ERFL: variants seen among roughly 807,000 people sequenced by gnomAD.
ERFL encodes the protein ETS domain-containing transcription factor ERF-like.
A neutral mutation model predicts 27.9 loss-of-function variants in ERFL; 8 were observed. The ratio of observed to expected loss-of-function variants is 0.29; its 90% CI spans 0.17 to 0.52. ERFL has a LOEUF of 0.52. ERFL is among the 20% of genes least tolerant of loss of function. ERFL has a pLI of 0.97. For missense variants in ERFL, 294 were observed against 444.4 expected, an observed-to-expected ratio of 0.66 and a Z score of 3.04; for synonymous variants, 174 against 202.8, an observed-to-expected ratio of 0.86 and a Z score of 1.21.
At chr19:41,915,715 C>T (rs1018362278) in intron 1 of ERFL, among the ~76,000 whole-genome samples, 1 of 152,174 alleles carries the variant, frequency 6.6e-6, no homozygotes, top group Non-Finnish European at 1.5e-5. Context: ...GTCTCTGTCT[C>T]TGTTTCTGTC....
At position 41,907,851 on chromosome 19, in the gene ERFL, T is replaced by G. The variant is rs2074725656; in HGVS notation, c.*377A>C. 2.2e-4 allele frequency: 30 copies of G among 134,280 alleles called. No homozygotes were observed. Among genetic ancestry groups the G allele is most frequent in the East Asian group, 3.5e-4 (2 of 5,788 alleles). The allele number at this position is 134,280 out of a possible 1,614,324, so 8.3% of individuals were successfully genotyped here. On this transcript the variant is annotated 3_prime_UTR_variant, in exon 6 of 6. Coordinates refer to ENST00000597630, the MANE Select transcript of ERFL (RefSeq NM_001365103.2). ...AGCTCCCTGTCCCCAGGGGGGCCTA[T>G]ATGGGGGGGGTGTCAGGACTGGGGC...
At position 41,909,924 on chromosome 19, in the gene ERFL, G is replaced by A; in HGVS notation, c.241C>T (p.Leu81=). The change falls in exon 3 of 6, where the codon CTG becomes TTG. Residue 81 remains leucine (L), a synonymous_variant. Coordinates refer to ENST00000597630, the MANE Select transcript of ERFL (RefSeq NM_001365103.2). This position sits in a 1 kb window ranked among gnomAD's most constrained non-coding sequence, Gnocchi z 5.2. ...VIKDPDEVAR[L]WGIRKCKPHM... ...GGCTTGCATTTGCGAATACCCCACAGCCGGGCCACCTCATCGGGGTCTTTG... is the reference window on the plus strand; with the variant it reads ...GGCTTGCATTTGCGAATACCCCACAACCGGGCCACCTCATCGGGGTCTTTG... The A allele has an allele frequency of 6.2e-7, 1 of 1,613,870 alleles. No individual in the cohort carries two copies. The highest frequency in any genetic ancestry group is 1.3e-5 in the African/African-American group (1 of 75,058).
rs367565234 is a variant in ERFL at position 41,921,164 on chromosome 19, C to T, written c.-14+6876G>A. On this transcript the variant is annotated intron_variant, in intron 1 of 5. Coordinates refer to ENST00000597630, the MANE Select transcript of ERFL (RefSeq NM_001365103.2). This position sits in a 1 kb window ranked among gnomAD's most constrained non-coding sequence, Gnocchi z 4.4. ...GTGGAGGCGCCACCGTGAGGCGAGG[C>T]GGAGGGAGGTCTGGCTGCTCCCCAA... is the stretch of plus-strand genomic sequence containing the variant. 1.3e-5 allele frequency among the ~76,000 whole-genome samples: 2 copies of T among 151,944 alleles called. No homozygotes were observed. The highest frequency in any genetic ancestry group is 1.3e-4 in the Admixed American group (2 of 15,254).
intron 1 of ERFL, among the ~76,000 whole-genome samples, chr19:41,919,143 ACACT>A (rs1214734615): frequency 5.3e-5 from 8 of 151,948 alleles, no homozygotes; most frequent in South Asian, 2.1e-4. Context: ...ACCACACACC[ACACT>A]CACACACCAC....
At position 41,907,764 on chromosome 19, in the gene ERFL, G is replaced by C; in HGVS notation, c.*464C>G. The C allele has an allele frequency of 5.1e-6, 1 of 195,110 alleles. No homozygotes were observed. Among genetic ancestry groups the C allele is most frequent in the Non-Finnish European group, 1.0e-5 (1 of 96,996 alleles). 12.1% of individuals were successfully genotyped at this position (195,110 alleles called of 1,614,324 possible). ...CTCTGGAGGTGACTGTTGGGATCATGGGGAGCTGGTGGGGAGGGGGGCCCC... is the reference window on the plus strand; with the variant it reads ...CTCTGGAGGTGACTGTTGGGATCATCGGGAGCTGGTGGGGAGGGGGGCCCC... On this transcript the variant is annotated 3_prime_UTR_variant, in exon 6 of 6. Coordinates refer to ENST00000597630, the MANE Select transcript of ERFL (RefSeq NM_001365103.2).
At position 41,922,897 on chromosome 19, in the gene ERFL, T is replaced by A. The variant is rs781872824; in HGVS notation, c.-14+5143A>T. On this transcript the variant is annotated intron_variant, in intron 1 of 5. Coordinates refer to ENST00000597630, the MANE Select transcript of ERFL (RefSeq NM_001365103.2). ...GTCCCCAGCCCCACACCGGGTCCCATGCCCAGGCCTGGGCTGGAGGGGATG... is the reference window on the plus strand; with the variant it reads ...GTCCCCAGCCCCACACCGGGTCCCAAGCCCAGGCCTGGGCTGGAGGGGATG... Among the ~76,000 whole-genome samples the A allele has an allele frequency of 9.9e-5, 15 of 152,190 alleles. 1 individual carries two copies. The highest frequency in any genetic ancestry group is 1.2e-4 in the Non-Finnish European group (8 of 68,022).
Position 41,909,179 on chromosome 19 carries a change from TAG to T in ERFL, c.499-4_499-3del, listed in dbSNP as rs1457955610. 3.1e-5 allele frequency: 38 copies of T among 1,231,732 alleles called. No homozygotes were observed. The highest frequency in any genetic ancestry group is 3.7e-5 in the Non-Finnish European group (37 of 988,170). The allele number at this position is 1,231,732 out of a possible 1,614,324, so 76.3% of individuals were successfully genotyped here. A position where few individuals can be genotyped will look rare whatever the true frequency, so the allele number is the denominator to read the frequency against. Reference sequence around the variant, plus strand: ...GGCAGAGAACAGGGTTTGCAGGGTCTAGAGAGGGAGTGGGAGAAGCCGCCCTT... The same window carrying T: ...GGCAGAGAACAGGGTTTGCAGGGTCTAGAGGGAGTGGGAGAAGCCGCCCTT... On this transcript the variant is annotated splice_polypyrimidine_tract_variant and splice_region_variant and intron_variant, in intron 4 of 5. Coordinates refer to ENST00000597630, the MANE Select transcript of ERFL (RefSeq NM_001365103.2). This position sits in a 1 kb window ranked among gnomAD's most constrained non-coding sequence, Gnocchi z 5.2.
chr19:41,921,696 A>T lies in ERFL; in HGVS notation c.-14+6344T>A, dbSNP rs2074843132. Among the ~76,000 whole-genome samples the T allele has an allele frequency of 6.6e-6, 1 of 152,112 alleles. No homozygotes were observed. The highest frequency in any genetic ancestry group is 2.1e-4 in the South Asian group (1 of 4,828). On this transcript the variant is annotated intron_variant, in intron 1 of 5. Coordinates refer to ENST00000597630, the MANE Select transcript of ERFL (RefSeq NM_001365103.2). This position sits in a 1 kb window ranked among gnomAD's most constrained non-coding sequence, Gnocchi z 4.4. ...AAAATTGAGGGATTAGGGCAGAGGCAGGAGAGGGATGCAGGCGAGCCCGGC... is the reference window on the plus strand; with the variant it reads ...AAAATTGAGGGATTAGGGCAGAGGCTGGAGAGGGATGCAGGCGAGCCCGGC...
chr19:41,910,691 T>A lies in ERFL; in HGVS notation c.68-594A>T, dbSNP rs1555851165. Among the ~76,000 whole-genome samples the A allele has an allele frequency of 6.6e-6, 1 of 152,188 alleles. No individual in the cohort carries two copies. The highest frequency in any genetic ancestry group is 1.5e-5 in the Non-Finnish European group (1 of 68,038). On this transcript the variant is annotated intron_variant, in intron 2 of 5. Transcript: ENST00000597630. The surrounding 1 kb of genome is among the most constrained non-coding windows in gnomAD (Gnocchi z 4.4). ...CCCCTCCACCCCATATCCATGCCCA[T>A]GTCCGTCCAAGAGCAGTCCAGAACG... is the stretch of plus-strand genomic sequence containing the variant.
At chr19:41,912,596 C>T (rs1555851359) in intron 2 of ERFL, among the ~76,000 whole-genome samples, 2 of 152,218 alleles carry the variant, frequency 1.3e-5, no homozygotes, top group African/African-American at 4.8e-5. Context: ...CCCCTCCGTC[C>T]TCACCCCTCA....
chr19:41,928,041 T>G lies in ERFL; in HGVS notation c.-15A>C, dbSNP rs987410311. On this transcript the variant is annotated splice_region_variant and 5_prime_UTR_variant, in exon 1 of 6. Transcript: ENST00000597630. ...GCGCCGGCCGCGGCGCTCACTCACT[T>G]TCTGGGCTTTTCGCATCCGCTCCGG... 5 of 152,118 alleles carry G rather than the reference T, an allele frequency of 3.3e-5. No individual in the cohort carries two copies. The highest frequency in any genetic ancestry group is 6.5e-5 in the Admixed American group (1 of 15,298). 9.4% of individuals were successfully genotyped at this position (152,118 alleles called of 1,614,324 possible).
intron 1 of ERFL, among the ~76,000 whole-genome samples, chr19:41,920,712 C>T (rs1376340463): frequency 5.3e-5 from 8 of 152,376 alleles, no homozygotes; most frequent in Admixed American, 2.0e-4. Context: ...TGTGCACATG[C>T]GCACACACAC....
chr19:41,908,114 T>C lies in ERFL; in HGVS notation c.*114A>G. On this transcript the variant is annotated 3_prime_UTR_variant, in exon 6 of 6. Coordinates refer to ENST00000597630, the MANE Select transcript of ERFL (RefSeq NM_001365103.2). The surrounding 1 kb of genome is among the most constrained non-coding windows in gnomAD (Gnocchi z 6.7). ...GGGGAAGGAGACTGGGGCAGCAATG[T>C]GCCCAGACCTGGGAGGTGCTGAGGG... 1 of 805,440 alleles carries C rather than the reference T, an allele frequency of 1.2e-6. No homozygotes were observed. Among genetic ancestry groups the C allele is most frequent in the Non-Finnish European group, 1.7e-6 (1 of 598,690 alleles). 49.9% of individuals were successfully genotyped at this position (805,440 alleles called of 1,614,324 possible). A position where few individuals can be genotyped will look rare whatever the true frequency, so the allele number is the denominator to read the frequency against.
chr19:41,923,216 G>T (rs1205216506), intron 1 of ERFL: 1 of 456,192 alleles, frequency 2.2e-6, no homozygotes. Flanking sequence ...GATGAGGTGA[G>T]CCTGGACTTG....
chr19:41,909,123 G>A lies in ERFL; in HGVS notation c.553C>T (p.Pro185Ser), dbSNP rs1259451178. ...PRLGEPGARTPLFTSETDKLR... is the reference protein window; with the variant it reads ...PRLGEPGARTSLFTSETDKLR... ...TTATCTGTCTCGGAGGTGAACAGGG[G>A]TGTCCGGGCCCCTGGCTCTCCCAGG... The change falls in exon 5 of 6, where the codon CCC (proline) becomes TCC (serine). Residue 185 changes from proline to serine, a missense_variant. By Grantham distance (74) the Pro-to-Ser change is moderately conservative (BLOSUM62 -1). This residue lies in a region of ERFL where 246 missense variants were observed against 371.4 expected (regional missense o/e 0.66). Coordinates refer to ENST00000597630, the MANE Select transcript of ERFL (RefSeq NM_001365103.2). This position sits in a 1 kb window ranked among gnomAD's most constrained non-coding sequence, Gnocchi z 5.2. The A allele has an allele frequency of 4.9e-6, 6 of 1,231,862 alleles. No individual in the cohort carries two copies. In the Admixed American group the frequency reaches 2.5e-4, roughly 52 times the overall value. The allele number at this position is 1,231,862 out of a possible 1,614,324, so 76.3% of individuals were successfully genotyped here.
At chr19:41,918,951 C>T (rs1376272040) in intron 1 of ERFL, among the ~76,000 whole-genome samples, 2 of 149,936 alleles carry the variant, frequency 1.3e-5, no homozygotes, top group Non-Finnish European at 3.0e-5. Flanking sequence ...ACTCACCATA[C>T]ACACATGCAC....
At chr19:41,925,945 C>T (rs1486154122) in intron 1 of ERFL, among the ~76,000 whole-genome samples, 1 of 151,756 alleles carries the variant, frequency 6.6e-6, no homozygotes, top group Non-Finnish European at 1.5e-5. Context: ...TAGCAGGTTG[C>T]ATGTGTGAGT....
chr19:41,913,788 T>C (rs1350780124), intron 1 of ERFL, among the ~76,000 whole-genome samples: 1 of 147,340 alleles, frequency 6.8e-6, no homozygotes, highest in Admixed American at 6.7e-5. Context: ...CCCCCTCTTA[T>C]GGCGCCTCCC....
intron 1 of ERFL, among the ~76,000 whole-genome samples, chr19:41,925,480 G>C (rs1360586800): frequency 6.6e-6 from 1 of 152,132 alleles, no homozygotes; most frequent in Non-Finnish European, 1.5e-5. Flanking sequence ...GAGAGACCAG[G>C]AGAGGCAAAG....
Sources: allele counts gnomAD v4.1 joint callset (sites outside exome capture counted in the v4.1 genomes callset), GRCh38; gene constraint gnomAD v4.1.1; regional missense constraint gnomAD v4.1.1; non-coding constraint Gnocchi (gnomAD v3.1); transcripts MANE v1.5; gene names NCBI Gene and HGNC (gene_info 2026-07-23, HGNC 2026-07-21).